CASTOR2: variants seen among roughly 807,000 people sequenced by gnomAD.
CASTOR2 encodes GATS protein like 2.
In CASTOR2, 8 loss-of-function variants were observed where a neutral mutation model predicts 31.2. That is an observed-to-expected ratio of 0.26 (90% CI 0.15 to 0.46). The LOEUF (loss-of-function observed/expected upper bound fraction) is 0.46, where lower values mean the gene tolerates loss of function less well. Ranked by LOEUF, CASTOR2 falls within the 20% of genes least tolerant of loss-of-function variation. The probability of loss-of-function intolerance (pLI) is 0.99; values close to 1 mark genes in which losing one functional copy is unlikely to be tolerated. For missense variants in CASTOR2, 216 were observed against 382.1 expected, an observed-to-expected ratio of 0.57 and a Z score of 3.62; for synonymous variants, 162 against 158.7, an observed-to-expected ratio of 1.02 and a Z score of -0.16.
intron 2 of CASTOR2, among the ~76,000 whole-genome samples, chr7:75,013,031 TC>T (rs1379290910): frequency 3.7e-4 from 57 of 152,296 alleles, no homozygotes; most frequent in Admixed American, 1.7e-3. Context: ...TAAGCAGTCC[TC>T]CCACCTTGGC....
Position 75,030,404 on chromosome 7 carries a change from C to G in CASTOR2, c.*5705C>G, listed in dbSNP as rs1805269005. 6.6e-6 allele frequency among the ~76,000 whole-genome samples: 1 copy of G among 152,204 alleles called. No individual in the cohort carries two copies. The highest frequency in any genetic ancestry group is 2.1e-4 in the South Asian group (1 of 4,818). Reference sequence around the variant, plus strand: ...GTGAGGGCAGGACTCGAATGCAGACCCTGGCTCCAGGGGAGAGGGTGGGGC... The same window carrying G: ...GTGAGGGCAGGACTCGAATGCAGACGCTGGCTCCAGGGGAGAGGGTGGGGC... On this transcript the variant is annotated 3_prime_UTR_variant, in exon 9 of 9. Transcript: ENST00000616305.
intron 1 of CASTOR2, among the ~76,000 whole-genome samples, chr7:74,984,003 A>C (rs1584461456): frequency 6.6e-6 from 1 of 151,014 alleles, no homozygotes; most frequent in South Asian, 2.1e-4. Context: ...GCTGGCCTCA[A>C]ACTCCTGGCC....
intron 6 of CASTOR2, 87 bp from the exon 7 acceptor site, chr7:75,021,787 G>GCCT: frequency 6.6e-7 from 1 of 1,504,438 alleles, no homozygotes; most frequent in Middle Eastern, 1.7e-4. Context: ...CCAGCCCCAT[G>GCCT]CCTCGCTCTG....
rs1426120506 is a variant in CASTOR2, at chr7:75,027,230, C to G, written c.*2531C>G. 1 of 152,298 alleles carries G rather than the reference C, an allele frequency of 6.6e-6. No individual in the cohort carries two copies. Among genetic ancestry groups the G allele is most frequent in the African/African-American group, 2.4e-5 (1 of 41,462 alleles). 9.4% of individuals were successfully genotyped at this position (152,298 alleles called of 1,614,324 possible). On this transcript the variant is annotated 3_prime_UTR_variant, in exon 9 of 9. Transcript: ENST00000616305. Reference sequence around the variant, plus strand: ...AGAACAAAGCCAGCAGCTCAAAGAGCCTGTGACATGGGACGTGGGAAGGGT... The same window carrying G: ...AGAACAAAGCCAGCAGCTCAAAGAGGCTGTGACATGGGACGTGGGAAGGGT...
intron 5 of CASTOR2, 136 bp downstream of exon 5, chr7:75,019,231 T>C (rs1804935538): frequency 6.8e-7 from 1 of 1,464,760 alleles, no homozygotes; most frequent in South Asian, 1.3e-5. Context: ...TCCCTGGAGC[T>C]AGTCTGAGCA....
intron 1 of CASTOR2, among the ~76,000 whole-genome samples, chr7:74,983,691 C>T (rs2131923511): frequency 6.6e-6 from 1 of 151,340 alleles, no homozygotes; most frequent in Non-Finnish European, 1.5e-5. Context: ...TCCCATGGCA[C>T]CATGGTGTGG....
chr7:74,992,855 A>G (rs75712694), intron 1 of CASTOR2, among the ~76,000 whole-genome samples: 33,627 of 149,980 alleles, frequency 0.22, 6,636 homozygotes, highest in African/African-American at 0.54. Context: ...GTGAGCTATG[A>G]TCGCACCACT....
chr7:75,011,535 C>A (rs1183974840), intron 2 of CASTOR2, among the ~76,000 whole-genome samples: 221 of 151,658 alleles, frequency 1.5e-3, no homozygotes, highest in Middle Eastern at 3.4e-3. Context: ...GAGATTGAGA[C>A]CATCCTGGCT....
At chr7:74,990,542 A>C (rs1804183080) in intron 1 of CASTOR2, among the ~76,000 whole-genome samples, 2 of 62,800 alleles carry the variant, frequency 3.2e-5, no homozygotes, top group Admixed American at 2.0e-4. Context: ...ACATAGTGAG[A>C]CCCTGGTCTC....
intron 2 of CASTOR2, among the ~76,000 whole-genome samples, chr7:75,014,066 G>A (rs1279858768): frequency 1.3e-5 from 2 of 152,070 alleles, no homozygotes; most frequent in African/African-American, 2.4e-5. Flanking sequence ...TGCAGTGCTA[G>A]GTGTCCTGAC....
In CASTOR2 at chr7:75,030,214, C is replaced by T. The variant is rs941077983; in HGVS notation, c.*5515C>T. 9.2e-5 allele frequency among the ~76,000 whole-genome samples: 14 copies of T among 152,286 alleles called. No homozygotes were observed. The highest frequency in any genetic ancestry group is 2.6e-4 in the Admixed American group (4 of 15,288). On this transcript the variant is annotated 3_prime_UTR_variant, in exon 9 of 9. Transcript: ENST00000616305. ...GCAGGCCTAGGTGTGTTTATGCACACGTTTGTGCATGTACCTGTGAGCGTG... is the reference window on the plus strand; with the variant it reads ...GCAGGCCTAGGTGTGTTTATGCACATGTTTGTGCATGTACCTGTGAGCGTG...
chr7:75,003,686 C>A (rs1422835027), intron 1 of CASTOR2, among the ~76,000 whole-genome samples: 1 of 151,570 alleles, frequency 6.6e-6, no homozygotes. Flanking sequence ...GGAGGCGGAG[C>A]TTGCAGTGAG....
In CASTOR2 at chr7:75,028,280, G is replaced by A. The variant is rs1401024507; in HGVS notation, c.*3581G>A. On this transcript the variant is annotated 3_prime_UTR_variant, in exon 9 of 9. Transcript: ENST00000616305. ...AGATTACAGGCACTCACCACCACACGCGGCTAATTTTTGTATTTTTGGTAG... is the reference window on the plus strand; with the variant it reads ...AGATTACAGGCACTCACCACCACACACGGCTAATTTTTGTATTTTTGGTAG... 3.3e-5 allele frequency among the ~76,000 whole-genome samples: 5 copies of A among 152,012 alleles called. No individual in the cohort carries two copies. The highest frequency in any genetic ancestry group is 1.9e-4 in the East Asian group (1 of 5,176).
intron 1 of CASTOR2, among the ~76,000 whole-genome samples, chr7:74,993,345 G>A (rs1410063859): frequency 2.0e-5 from 3 of 151,914 alleles, no homozygotes; most frequent in African/African-American, 4.8e-5. Flanking sequence ...CAGGATTCCA[G>A]TACTGGAGGA....
At chr7:74,980,466 ACACT>A (rs1803921062) in intron 1 of CASTOR2, among the ~76,000 whole-genome samples, 2 of 86,862 alleles carry the variant, frequency 2.3e-5, no homozygotes, top group Non-Finnish European at 4.1e-5. Context: ...ACTGGAGATA[ACACT>A]ATCAACATCT....
chr7:75,012,351 G>A (rs1278156901), intron 2 of CASTOR2, among the ~76,000 whole-genome samples: 8 of 152,100 alleles, frequency 5.3e-5, no homozygotes, highest in African/African-American at 1.7e-4. Context: ...TCCCCAGACT[G>A]GAGTGCAGTG....
intron 1 of CASTOR2, among the ~76,000 whole-genome samples, chr7:74,999,247 T>C (rs1804433360): frequency 6.6e-6 from 1 of 152,074 alleles, no homozygotes; most frequent in Admixed American, 6.6e-5. Flanking sequence ...CCTGACCTCG[T>C]GATCCACCCG....
At position 75,009,723 on chromosome 7, in the gene CASTOR2, T is replaced by TC. The variant is rs1232791542; in HGVS notation, c.184+1663dup. On this transcript the variant is annotated intron_variant, in intron 2 of 8. Transcript: ENST00000616305. ...TCTAGTACTGGGGACACACTTGGCA[T>TC]CCCCAGGGAACTAGAGTGTGAGAAG... Among the ~76,000 whole-genome samples, 129 of 151,606 alleles carry TC rather than the reference T, an allele frequency of 8.5e-4. 1 individual carries two copies. The highest frequency in any genetic ancestry group is 3.1e-3 in the African/African-American group (126 of 41,258).
chr7:75,003,533 G>A (rs1177906371), intron 1 of CASTOR2, among the ~76,000 whole-genome samples: 4 of 151,994 alleles, frequency 2.6e-5, no homozygotes, highest in Admixed American at 1.3e-4. Flanking sequence ...GGCAGATCAC[G>A]AGGTCAGGAG....
Sources: allele counts gnomAD v4.1 joint callset (sites outside exome capture counted in the v4.1 genomes callset), GRCh38; gene constraint gnomAD v4.1.1; transcripts MANE v1.5; gene names NCBI Gene and HGNC (gene_info 2026-07-23, HGNC 2026-07-21).